The following ADD2 variants were observed in gnomAD, a reference collection of about 807,000 sequenced individuals.
ADD2 encodes adducin 2.
A neutral mutation model predicts 83.0 loss-of-function variants in ADD2; 23 were observed. The observed-to-expected ratio is 0.28, with a 90% CI of 0.20 to 0.39. The LOEUF is 0.39. Among genes scored for constraint, ADD2 ranks in the 10% least tolerant of loss-of-function variants. ADD2 has a pLI of 1.00. For missense variants in ADD2, 758 were observed against 944.9 expected (o/e 0.80, Z 2.59); for synonymous variants, 375 against 375.4 (o/e 1.00, Z 0.01).
At chr2:70,703,770 A>T (rs1042329892) in intron 4 of ADD2, among the ~76,000 whole-genome samples, 4 of 152,218 alleles carry the variant, frequency 2.6e-5, no homozygotes, top group Non-Finnish European at 4.4e-5. Context: ...GACTGGAAGG[A>T]TATATGTTCA....
chr2:70,675,092 A>G, intron 13 of ADD2: 2 of 1,194,522 alleles, frequency 1.7e-6, no homozygotes, highest in Non-Finnish European at 2.1e-6. Flanking sequence ...GCTCCCGAGC[A>G]GAAGGAAGAC....
chr2:70,761,159 A>G lies in ADD2; in HGVS notation c.-154+6727T>C, dbSNP rs557400974. Among the ~76,000 whole-genome samples, 3 of 152,336 alleles carry G rather than the reference A, an allele frequency of 2.0e-5. No individual in the cohort carries two copies. The South Asian group carries it at 6.2e-4, about 32-fold the overall frequency. On this transcript the variant is annotated intron_variant, in intron 1 of 15. Coordinates refer to ENST00000264436, the MANE Select transcript of ADD2 (RefSeq NM_001617.4). ...AACCTATGTAACTCTCAGTCTAGAT[A>G]GCAGCTGTTAGTATGGTTAGGAAAC... is the stretch of plus-strand genomic sequence containing the variant.
At chr2:70,675,092 AGAAG>A in intron 13 of ADD2, 1 of 1,194,522 alleles carries the variant, frequency 8.4e-7, no homozygotes, top group Non-Finnish European at 1.0e-6. Context: ...GCTCCCGAGC[AGAAG>A]GAAGACACAC....
At chr2:70,672,705 A>ATAGCTT (rs781937169) in intron 15 of ADD2, among the ~76,000 whole-genome samples, 173 bp downstream of exon 15, 6 of 152,196 alleles carry the variant, frequency 3.9e-5, no homozygotes, top group Non-Finnish European at 7.3e-5. Context: ...GTGTAGTGTT[A>ATAGCTT]TAGCTTGTGA....
intron 1 of ADD2, among the ~76,000 whole-genome samples, chr2:70,752,963 T>A (rs1382434116): frequency 1.3e-5 from 2 of 151,862 alleles, no homozygotes; most frequent in East Asian, 3.9e-4. Flanking sequence ...TGAAGTAGAG[T>A]TCTGGGGAGA....
rs79789920 is a variant in ADD2 at position 70,694,001 on chromosome 2, A to G, written c.556-1449T>C. The stretch of plus-strand genomic sequence containing the variant: ...TTCAAAACAGAAGCCCAATGCTAGG[A>G]CACTTAGTGAGTGGAGCACAGGTTG... On this transcript the variant is annotated intron_variant, in intron 6 of 15. Transcript: ENST00000264436. 5.1e-3 allele frequency among the ~76,000 whole-genome samples: 742 copies of G among 145,092 alleles called. 3 individuals carry two copies. The highest frequency in any genetic ancestry group is 0.017 in the African/African-American group (710 of 41,078).
intron 1 of ADD2, among the ~76,000 whole-genome samples, chr2:70,714,356 A>G (rs1337745196): frequency 3.3e-5 from 5 of 152,140 alleles, no homozygotes; most frequent in Non-Finnish European, 5.9e-5. Context: ...AATGCTGTCC[A>G]GAGTGGAGGC....
intron 13 of ADD2, chr2:70,675,502 C>A (rs1485362666): frequency 6.1e-6 from 6 of 985,322 alleles, no homozygotes; most frequent in Non-Finnish European, 7.2e-6. Context: ...GACCAGCCGG[C>A]CCTTACATAA....
At chr2:70,682,786 C>T (rs1558528917) in intron 10 of ADD2, among the ~76,000 whole-genome samples, 1 of 152,110 alleles carries the variant, frequency 6.6e-6, no homozygotes, top group Non-Finnish European at 1.5e-5. Flanking sequence ...GAAGAGCCAG[C>T]CCACTCCTAG....
chr2:70,704,726 T>C (rs1671797520), intron 3 of ADD2, among the ~76,000 whole-genome samples: 1 of 152,182 alleles, frequency 6.6e-6, no homozygotes, highest in Non-Finnish European at 1.5e-5. Context: ...TGTGTCTAAA[T>C]GAGGGCCAAG....
intron 4 of ADD2, among the ~76,000 whole-genome samples, chr2:70,702,738 A>G (rs894541959): frequency 1.3e-5 from 2 of 152,068 alleles, no homozygotes; most frequent in Admixed American, 1.3e-4. Flanking sequence ...GATAATAGAG[A>G]AACAGCTTTA....
intron 8 of ADD2, among the ~76,000 whole-genome samples, chr2:70,689,296 G>T (rs568281541): frequency 6.6e-6 from 1 of 152,174 alleles, no homozygotes; most frequent in African/African-American, 2.4e-5. Flanking sequence ...ACTTTTCTTC[G>T]TTGGTTTTAC....
chr2:70,724,872 TA>T (rs1275005229), intron 1 of ADD2, among the ~76,000 whole-genome samples: 1 of 152,202 alleles, frequency 6.6e-6, no homozygotes, highest in Non-Finnish European at 1.5e-5. Context: ...TGTATCAAGA[TA>T]TTTTTGATAC....
chr2:70,755,474 T>G (rs1553383660), intron 1 of ADD2, among the ~76,000 whole-genome samples: 1 of 152,192 alleles, frequency 6.6e-6, no homozygotes, highest in East Asian at 1.9e-4. Context: ...CCTGTTTGTT[T>G]TTATGCTTAG....
chr2:70,710,829 T>A (rs1672143650), intron 2 of ADD2, among the ~76,000 whole-genome samples: 1 of 152,250 alleles, frequency 6.6e-6, no homozygotes, highest in South Asian at 2.1e-4. Flanking sequence ...AGTTAATGTA[T>A]GTGGAGTATT....
chr2:70,763,899 T>C (rs10205064), intron 1 of ADD2, among the ~76,000 whole-genome samples: 2,870 of 151,782 alleles, frequency 0.019, 165 homozygotes, highest in African/African-American at 0.066. Context: ...CTTTTCTTTT[T>C]TTTTTTGAGT....
Position 70,676,497 on chromosome 2 carries a change from G to A in ADD2, c.1593+299C>T. 1 of 1,353,874 alleles carries A rather than the reference G, an allele frequency of 7.4e-7. No individual in the cohort carries two copies. Among genetic ancestry groups the A allele is most frequent in the Non-Finnish European group, 9.5e-7 (1 of 1,050,312 alleles). The allele number at this position is 1,353,874 out of a possible 1,614,324, so 83.9% of individuals were successfully genotyped here. ...GAGTCCCCACTTCACGGGGTAGTAA[G>A]GGAGGACAGAGTGGAGTTCCATGGC... On this transcript the variant is annotated intron_variant, in intron 13 of 15. Transcript: ENST00000264436. This position sits in a 1 kb window ranked among gnomAD's most constrained non-coding sequence, Gnocchi z 4.8.
chr2:70,725,447 G>C (rs1441340594), intron 1 of ADD2, among the ~76,000 whole-genome samples: 2 of 152,126 alleles, frequency 1.3e-5, no homozygotes, highest in Admixed American at 1.3e-4. Context: ...AACTCCCAGA[G>C]CCTGTGAATG....
At chr2:70,748,380 A>C (rs1328277310) in intron 1 of ADD2, among the ~76,000 whole-genome samples, 1 of 151,892 alleles carries the variant, frequency 6.6e-6, no homozygotes, top group African/African-American at 2.4e-5. Flanking sequence ...AAGTAAGCTG[A>C]GTTATGCTGC....
Sources: allele counts gnomAD v4.1 joint callset (sites outside exome capture counted in the v4.1 genomes callset), GRCh38; gene constraint gnomAD v4.1.1; non-coding constraint Gnocchi (gnomAD v3.1); transcripts MANE v1.5; gene names NCBI Gene and HGNC (gene_info 2026-07-23, HGNC 2026-07-21).